SH3BGR: variants seen among roughly 807,000 people sequenced by gnomAD.
SH3BGR encodes the protein SH3 domain-binding glutamic acid-rich protein.
In SH3BGR, 29 loss-of-function variants were observed where a neutral mutation model predicts 24.5. That is an observed-to-expected ratio of 1.18 (90% CI 0.88 to 1.61). The LOEUF is 1.61. Ranked by LOEUF, SH3BGR falls within the 40% of genes most tolerant of loss-of-function variation. SH3BGR has a pLI of 0.00. For synonymous variants in SH3BGR, 55 were observed against 65.7 expected, an observed-to-expected ratio of 0.84 and a Z score of 0.79; for missense variants, 162 against 205.8, an observed-to-expected ratio of 0.79 and a Z score of 1.30.
chr21:39,514,347 CTAT>C (rs1198234839), intron 6 of SH3BGR, among the ~76,000 whole-genome samples: 5 of 151,958 alleles, frequency 3.3e-5, no homozygotes, highest in East Asian at 1.9e-4. Context: ...GAGTCAGAAT[CTAT>C]TATTATTATT....
chr21:39,465,533 T>C (rs1472206316), intron 2 of SH3BGR, among the ~76,000 whole-genome samples: 2 of 152,188 alleles, frequency 1.3e-5, no homozygotes, highest in African/African-American at 4.8e-5. Context: ...TATACGACTT[T>C]GTTTTCTTGA....
intron 3 of SH3BGR, among the ~76,000 whole-genome samples, chr21:39,498,192 A>G (rs1032411121): frequency 2.6e-5 from 4 of 152,190 alleles, no homozygotes; most frequent in South Asian, 2.1e-4. Flanking sequence ...ATGACAATCA[A>G]TTCCCCCTTA....
chr21:39,460,304 CTG>C (rs892015518), intron 1 of SH3BGR, among the ~76,000 whole-genome samples: 2 of 152,024 alleles, frequency 1.3e-5, no homozygotes, highest in African/African-American at 2.4e-5. Context: ...CCAGTAGTCT[CTG>C]TGTGAGCTTT....
intron 3 of SH3BGR, chr21:39,491,530 A>G: frequency 3.8e-6 from 1 of 265,580 alleles, no homozygotes; most frequent in Non-Finnish European, 7.4e-6. Flanking sequence ...TCAGTCTTCT[A>G]AGGCCTCAGC....
chr21:39,475,383 T>TA (rs2078011047), intron 3 of SH3BGR, among the ~76,000 whole-genome samples, 168 bp downstream of exon 3: 1 of 152,184 alleles, frequency 6.6e-6, no homozygotes, highest in Non-Finnish European at 1.5e-5. Context: ...CAGTTTTTAC[T>TA]AAAAAAAGTT....
chr21:39,470,575 A>C (rs2077922525), intron 2 of SH3BGR, among the ~76,000 whole-genome samples: 1 of 152,158 alleles, frequency 6.6e-6, no homozygotes, highest in African/African-American at 2.4e-5. Context: ...CCCAAACATT[A>C]AAAGGGCCTT....
At chr21:39,509,618 G>A (rs781194791) in intron 5 of SH3BGR, among the ~76,000 whole-genome samples, 5 of 151,652 alleles carry the variant, frequency 3.3e-5, no homozygotes, top group Non-Finnish European at 5.9e-5. Flanking sequence ...GGAATTACAG[G>A]CACGTGTCAC....
chr21:39,484,773 G>T (rs1222588499), intron 3 of SH3BGR, among the ~76,000 whole-genome samples: 2 of 152,210 alleles, frequency 1.3e-5, no homozygotes, highest in Non-Finnish European at 2.9e-5. Flanking sequence ...AGCCTTTGGT[G>T]CTGTCAGCAT....
At chr21:39,463,885 C>G (rs748124127) in intron 2 of SH3BGR, among the ~76,000 whole-genome samples, 1 of 152,144 alleles carries the variant, frequency 6.6e-6, no homozygotes, top group Non-Finnish European at 1.5e-5. Flanking sequence ...ACCACACACA[C>G]GGTGGCTAAA....
chr21:39,508,879 C>A, intron 4 of SH3BGR, 119 bp from the exon 5 acceptor site: 1 of 667,128 alleles, frequency 1.5e-6, no homozygotes. Context: ...TATGGATAAA[C>A]TAATGTGTTG....
intron 2 of SH3BGR, among the ~76,000 whole-genome samples, chr21:39,473,223 C>T (rs1420951948): frequency 3.9e-5 from 6 of 152,132 alleles, no homozygotes; most frequent in Non-Finnish European, 8.8e-5. Flanking sequence ...AAGACTAGTT[C>T]ACTCAACTAT....
At chr21:39,499,794 C>G (rs1392220659) in intron 3 of SH3BGR, 29 bp from the exon 4 acceptor site, 1 of 1,525,876 alleles carries the variant, frequency 6.6e-7, no homozygotes, top group Admixed American at 1.8e-5. Flanking sequence ...TGTTTTTGAG[C>G]TCATATCCTG....
chr21:39,492,576 C>T (rs1265056256), intron 3 of SH3BGR, among the ~76,000 whole-genome samples: 3 of 151,660 alleles, frequency 2.0e-5, no homozygotes, highest in Non-Finnish European at 4.4e-5. Context: ...CATTGTGCTG[C>T]CATAAATGTG....
In SH3BGR at chr21:39,512,384, G is replaced by T. The variant is rs79921681; in HGVS notation, c.*34+575G>T. 3.4e-3 allele frequency among the ~76,000 whole-genome samples: 515 copies of T among 152,286 alleles called. 4 individuals are homozygous for T. The highest frequency in any genetic ancestry group is 0.012 in the African/African-American group (489 of 41,544). ...AGAACGCTCCTCTGGAAACACCGGGGAACATGGTGAAGTCCCTTTAGGTAT... is the reference window on the plus strand; with the variant it reads ...AGAACGCTCCTCTGGAAACACCGGGTAACATGGTGAAGTCCCTTTAGGTAT... On this transcript the variant is annotated intron_variant, in intron 6 of 6. Transcript: ENST00000333634.
chr21:39,479,877 C>G (rs1416984627), intron 3 of SH3BGR, among the ~76,000 whole-genome samples: 1 of 150,214 alleles, frequency 6.7e-6, no homozygotes, highest in Non-Finnish European at 1.5e-5. Context: ...TTTTTTTTTC[C>G]TGCAAAAAGA....
At chr21:39,471,506 C>G (rs2077940206) in intron 2 of SH3BGR, among the ~76,000 whole-genome samples, 2 of 152,298 alleles carry the variant, frequency 1.3e-5, no homozygotes, top group South Asian at 4.1e-4. Context: ...TCTCCAAGAG[C>G]TCCTATAAGA....
upstream of SH3BGR, among the ~76,000 whole-genome samples, chr21:39,448,172 G>A (rs759671719): frequency 1.3e-5 from 2 of 152,144 alleles, no homozygotes; most frequent in Non-Finnish European, 2.9e-5. Flanking sequence ...AATCCAGGAT[G>A]ATTTAATCAC....
chr21:39,496,431 C>T (rs563051710), intron 3 of SH3BGR, among the ~76,000 whole-genome samples: 19 of 144,300 alleles, frequency 1.3e-4, no homozygotes, highest in Non-Finnish European at 2.2e-4. Flanking sequence ...ACCCAGGAAG[C>T]GGAGCTTGCA....
chr21:39,464,353 G>A (rs879873903), intron 2 of SH3BGR, among the ~76,000 whole-genome samples: 5 of 152,168 alleles, frequency 3.3e-5, no homozygotes, highest in African/African-American at 9.7e-5. Flanking sequence ...CTCTTGAGTA[G>A]CTGAGATTAC....
Sources: allele counts gnomAD v4.1 joint callset (sites outside exome capture counted in the v4.1 genomes callset), GRCh38; gene constraint gnomAD v4.1.1; transcripts MANE v1.5; gene names NCBI Gene and HGNC (gene_info 2026-07-23, HGNC 2026-07-21).